Variants in TERT observed in about 807,000 individuals in gnomAD.
The protein encoded by TERT is telomerase reverse transcriptase.
TERT carries 42 observed loss-of-function variants against 104.0 expected under a neutral mutation model. The observed-to-expected ratio is 0.40, with a 90% CI of 0.32 to 0.52. TERT has a LOEUF of 0.52. Among genes scored for constraint, TERT ranks in the 20% least tolerant of loss-of-function variants. The pLI, the probability that TERT is intolerant of heterozygous loss-of-function variation, is 0.43. For missense variants in TERT, 1,101 were observed against 1,610.3 expected (o/e 0.68, Z 5.41); for synonymous variants, 781 against 725.6 (o/e 1.08, Z -1.23).
intron 12 of TERT, among the ~76,000 whole-genome samples, chr5:1,259,499 G>T (rs1163635393): frequency 1.0e-5 from 1 of 99,198 alleles, no homozygotes; most frequent in Admixed American, 1.0e-4. Flanking sequence ...CCCACAGGAG[G>T]GGGGAGTGGA....
rs1229414255 is a variant in TERT, at chr5:1,265,192, C to T, written c.2655-600G>A. 6.6e-6 allele frequency among the ~76,000 whole-genome samples: 1 copy of T among 152,164 alleles called. No homozygotes were observed. Among genetic ancestry groups the T allele is most frequent in the Non-Finnish European group, 1.5e-5 (1 of 68,006 alleles). ...GCCTCGCTCACCCAGCTCAGGGAGC[C>T]CCCCTGTGCCCGGTAGCCTCTGCTC... On this transcript the variant is annotated intron_variant, in intron 10 of 15. Coordinates refer to ENST00000310581, the MANE Select transcript of TERT (RefSeq NM_198253.3). This position sits in a 1 kb window ranked among gnomAD's most constrained non-coding sequence, Gnocchi z 6.9.
rs1298187166 is a variant in TERT, at chr5:1,253,565, G to C, written c.*163C>G. 1 of 661,944 alleles carries C rather than the reference G, an allele frequency of 1.5e-6. No individual in the cohort carries two copies. Among genetic ancestry groups the C allele is most frequent in the Non-Finnish European group, 2.7e-6 (1 of 371,652 alleles). The allele number at this position is 661,944 out of a possible 1,614,324, so 41.0% of individuals were successfully genotyped here. ...CGCTCAGGCCTCAGCCGGACACTCAGCCTTCAGCCGGACATGCAGGCCTCG... is the reference window on the plus strand; with the variant it reads ...CGCTCAGGCCTCAGCCGGACACTCACCCTTCAGCCGGACATGCAGGCCTCG... On this transcript the variant is annotated 3_prime_UTR_variant, in exon 16 of 16. Transcript: ENST00000310581.
At chr5:1,258,007 A>C (rs1489561542) in intron 13 of TERT, among the ~76,000 whole-genome samples, 7 of 152,330 alleles carry the variant, frequency 4.6e-5, no homozygotes, top group Non-Finnish European at 1.5e-5. Flanking sequence ...TGGCCTCCAC[A>C]GATTGGCCCT....
rs2126609951 is a variant in TERT at position 1,269,546 on chromosome 5, G to A, written c.2469-913C>T. On this transcript the variant is annotated intron_variant, in intron 8 of 15. Transcript: ENST00000310581. The surrounding 1 kb of genome is among the most constrained non-coding windows in gnomAD (Gnocchi z 9.0). ...GAAATGCTGGAACCCGGGAGGCGGAGGTTGCAGTGAGTTGAGATCGCGCCA... is the reference window on the plus strand; with the variant it reads ...GAAATGCTGGAACCCGGGAGGCGGAAGTTGCAGTGAGTTGAGATCGCGCCA... Among the ~76,000 whole-genome samples, 1 of 152,082 alleles carries A rather than the reference G, an allele frequency of 6.6e-6. No individual in the cohort carries two copies. The highest frequency in any genetic ancestry group is 1.9e-4 in the East Asian group (1 of 5,172).
rs148360228 is a variant in TERT at position 1,276,810 on chromosome 5, A to G, written c.2286+1831T>C. On this transcript the variant is annotated intron_variant, in intron 6 of 15. Transcript: ENST00000310581. ...TACCTTGAGTTCCTGCAGAGAACAC[A>G]AACAGCTTTAGCCACAAACAGCTGA... is the stretch of plus-strand genomic sequence containing the variant. Among the ~76,000 whole-genome samples, 146 of 152,386 alleles carry G rather than the reference A, an allele frequency of 9.6e-4. No homozygotes were observed. The Middle Eastern group carries it at 0.01, about 11-fold the overall frequency.
At chr5:1,290,135 G>A (rs1416126072) in intron 2 of TERT, among the ~76,000 whole-genome samples, 2 of 70,814 alleles carry the variant, frequency 2.8e-5, no homozygotes, top group Non-Finnish European at 5.0e-5. Flanking sequence ...CCCGGGGGCC[G>A]CGCCTCACTC....
rs182009081 is a variant in TERT, at chr5:1,289,007, G to A, written c.1573+4306C>T. Among the ~76,000 whole-genome samples the A allele has an allele frequency of 3.0e-4, 45 of 152,310 alleles. 2 individuals are homozygous for A. The East Asian group carries it at 5.2e-3, about 18-fold the overall frequency. On this transcript the variant is annotated intron_variant, in intron 2 of 15. Transcript: ENST00000310581. ...CCATCTACCCAGGCAATGGGCAACC[G>A]GCGCAGCTGTGGCTATAGAAAGAGC...
intron 2 of TERT, among the ~76,000 whole-genome samples, chr5:1,289,370 C>A (rs1187960339): frequency 7.2e-6 from 1 of 138,990 alleles, no homozygotes; most frequent in Admixed American, 7.1e-5. Context: ...ACAGGGACAC[C>A]CGGGGACGGG....
In TERT at chr5:1,293,663, A is replaced by T; in HGVS notation, c.1223T>A (p.Leu408His). The T allele has an allele frequency of 6.4e-7, 1 of 1,565,298 alleles. No individual in the cohort carries two copies. The highest frequency in any genetic ancestry group is 8.7e-7 in the Non-Finnish European group (1 of 1,155,410). ...TCGCAGCGGGCAGTGCGTCTTGAGG[A>T]GCACCCCGTAGGGGCACTGCGCGTG... ...GNHAQCPYGV[L>H]LKTHCPLRAA... is the part of the protein sequence containing the mutation. The change falls in exon 2 of 16, where the codon CTC becomes CAC. Residue 408 changes from leucine to histidine, a missense_variant. Physicochemically the swap from Leu to His is moderately conservative, Grantham distance 99. Around this residue, in one of 5 missense-constraint regions of TERT, gnomAD observed 504 missense variants for 544.6 expected, o/e 0.93. Transcript: ENST00000310581.
chr5:1,256,758 G>A lies in TERT; in HGVS notation c.3033-1347C>T, dbSNP rs1027897261. On this transcript the variant is annotated intron_variant, in intron 13 of 15. Coordinates refer to ENST00000310581, the MANE Select transcript of TERT (RefSeq NM_198253.3). The surrounding 1 kb of genome is among the most constrained non-coding windows in gnomAD (Gnocchi z 7.0). ...CAAATAAATAAGCCTAAGGTCCCGG[G>A]GTTGCCACACGGCCACGCTCCTGAC... 5.3e-5 allele frequency among the ~76,000 whole-genome samples: 8 copies of A among 152,216 alleles called. 1 individual carries two copies. Among genetic ancestry groups the A allele is most frequent in the Admixed American group, 5.2e-4 (8 of 15,290 alleles).
In TERT at chr5:1,295,066, G is replaced by A. The variant is rs1195843544; in HGVS notation, c.-77C>T. On this transcript the variant is annotated 5_prime_UTR_variant, in exon 1 of 16. Transcript: ENST00000310581. ...CTGCCTGAAACTCGCGCCGCGAGGA[G>A]AGGGCGGGGCCGCGGAAAGGAAGGG... 1.8e-6 allele frequency: 2 copies of A among 1,085,342 alleles called. No individual in the cohort carries two copies. The highest frequency in any genetic ancestry group is 3.2e-5 in the East Asian group (1 of 31,194). The allele number at this position is 1,085,342 out of a possible 1,614,324, so 67.2% of individuals were successfully genotyped here. A position where few individuals can be genotyped will look rare whatever the true frequency, so the allele number is the denominator to read the frequency against.
intron 2 of TERT, among the ~76,000 whole-genome samples, chr5:1,285,244 G>A (rs1329190707): frequency 5.3e-5 from 8 of 150,732 alleles, no homozygotes; most frequent in Non-Finnish European, 1.2e-4. Flanking sequence ...AGGGCCTGGC[G>A]ACCTCATCCC....
rs1030548323 is a variant in TERT, at chr5:1,274,783, C to A, written c.2287-2503G>T. Among the ~76,000 whole-genome samples the A allele has an allele frequency of 7.9e-5, 12 of 152,208 alleles. No homozygotes were observed. Among genetic ancestry groups the A allele is most frequent in the Non-Finnish European group, 1.5e-5 (1 of 68,046 alleles). ...CGGGATCCCTGCTTTAGAGGGAAAA[C>A]GGCAACTTCAGATGCTTGTTTAGAA... On this transcript the variant is annotated intron_variant, in intron 6 of 15. Transcript: ENST00000310581. This position sits in a 1 kb window ranked among gnomAD's most constrained non-coding sequence, Gnocchi z 5.3.
At chr5:1,285,727 G>A (rs1222416995) in intron 2 of TERT, among the ~76,000 whole-genome samples, 5 of 151,584 alleles carry the variant, frequency 3.3e-5, no homozygotes, top group African/African-American at 9.7e-5. Flanking sequence ...CCGCCACCAC[G>A]CCCAGCTAAT....
intron 9 of TERT, 130 bp from the exon 10 acceptor site, chr5:1,266,665 A>G: frequency 1.2e-6 from 1 of 825,562 alleles, no homozygotes; most frequent in Non-Finnish European, 2.0e-6. Flanking sequence ...CGGTTAAATG[A>G]AAAACTTAAA....
In TERT at chr5:1,274,071, C is replaced by A. The variant is rs975942933; in HGVS notation, c.2287-1791G>T. Among the ~76,000 whole-genome samples the A allele has an allele frequency of 1.3e-5, 2 of 152,224 alleles. No homozygotes were observed. The highest frequency in any genetic ancestry group is 4.8e-5 in the African/African-American group (2 of 41,456). On this transcript the variant is annotated intron_variant, in intron 6 of 15. Transcript: ENST00000310581. This position sits in a 1 kb window ranked among gnomAD's most constrained non-coding sequence, Gnocchi z 5.3. ...CCCCAAGACAGGATGTGAGCAGGCA[C>A]GTGACACACACTAACACGGACACAG...
rs759744531 is a variant in TERT at position 1,268,630 on chromosome 5, G to C, written c.2472C>G (p.Ser824=). Residue 824 remains serine (S), a synonymous_variant, in exon 9 of 16, where the codon TCC becomes TCG. Transcript: ENST00000310581. The surrounding 1 kb of genome is among the most constrained non-coding windows in gnomAD (Gnocchi z 5.5). ...CHHAVRIRGK[S]YVQCQGIPQG... is the part of the protein sequence containing the mutation. ...GCGGGATCCCCTGGCACTGGACGTA[G>C]GACCTGGGGCGGGAAGACACAGGTG... 1 of 1,611,078 alleles carries C rather than the reference G, an allele frequency of 6.2e-7. No homozygotes were observed. Among genetic ancestry groups the C allele is most frequent in the East Asian group, 2.2e-5 (1 of 44,844 alleles).
intron 13 of TERT, 111 bp downstream of exon 13, chr5:1,258,487 C>T (rs573030083): frequency 1.2e-5 from 12 of 961,520 alleles, no homozygotes; most frequent in East Asian, 2.6e-5. Flanking sequence ...AAACGTAAGA[C>T]ATTCCTTGCC....
chr5:1,272,520 C>T lies in TERT; in HGVS notation c.2287-240G>A, dbSNP rs141861135. ...CTACCACACATCAGACCCCTGTGAC[C>T]GATCACCATCCACAGTCACCACATC... On this transcript the variant is annotated intron_variant, in intron 6 of 15. Coordinates refer to ENST00000310581, the MANE Select transcript of TERT (RefSeq NM_198253.3). 2.0e-3 allele frequency among the ~76,000 whole-genome samples: 288 copies of T among 147,462 alleles called. 11 individuals are homozygous for T. Among genetic ancestry groups the T allele is most frequent in the African/African-American group, 7.3e-3 (274 of 37,316 alleles).
Sources: gnomAD v4.1 joint callset for allele counts (sites outside exome capture counted in the v4.1 genomes callset) on GRCh38, gnomAD v4.1.1 for gene constraint, gnomAD v4.1.1 regional missense constraint, Gnocchi (gnomAD v3.1) non-coding constraint, MANE v1.5 for transcripts, NCBI Gene and HGNC (gene_info 2026-07-23, HGNC 2026-07-21) for gene names.